The following PLXNC1 variants were observed in gnomAD, a reference collection of about 807,000 sequenced individuals.
PLXNC1 encodes plexin C1.
Under a neutral mutation model 178.2 loss-of-function variants are expected in PLXNC1, and 75 were observed. The ratio of observed to expected loss-of-function variants is 0.42; its 90% CI spans 0.35 to 0.51. The LOEUF (loss-of-function observed/expected upper bound fraction) is 0.51. Among genes scored for constraint, PLXNC1 ranks in the 20% least tolerant of loss-of-function variants. The probability of loss-of-function intolerance (pLI) is 0.02; values close to 1 mark genes in which losing one functional copy is unlikely to be tolerated. For missense variants in PLXNC1, 1,503 were observed against 1,984.4 expected (o/e 0.76, Z 4.61); for synonymous variants, 790 against 779.9 (o/e 1.01, Z -0.22).
At chr12:94,222,505 C>A (rs75316948) in intron 6 of PLXNC1, among the ~76,000 whole-genome samples, 3,257 of 152,280 alleles carry the variant, frequency 0.021, 79 homozygotes, top group Non-Finnish European at 0.025. Context: ...GCCATTCTAA[C>A]ACCCCTTTGG....
At chr12:94,160,482 G>A (rs1230657742) in intron 1 of PLXNC1, among the ~76,000 whole-genome samples, 1 of 152,184 alleles carries the variant, frequency 6.6e-6, no homozygotes, top group East Asian at 1.9e-4. Flanking sequence ...GACTGAGGAA[G>A]CGTGTTACCT....
chr12:94,177,103 G>GTGTATATATATA (rs1962084911), intron 2 of PLXNC1, among the ~76,000 whole-genome samples: 1 of 129,522 alleles, frequency 7.7e-6, no homozygotes, highest in Non-Finnish European at 1.6e-5. Context: ...ATATATATAT[G>GTGTATATATATA]TGTGTGTGTA....
chr12:94,164,690 CACACACACACACACACGT>C (rs1254438290), intron 1 of PLXNC1, among the ~76,000 whole-genome samples: 126 of 141,242 alleles, frequency 8.9e-4, no homozygotes, highest in African/African-American at 3.5e-3. Flanking sequence ...CACACACACA[CACACACACACACACACGT>C]ACACACACAA....
chr12:94,254,730 T>C, intron 15 of PLXNC1, 57 bp from the exon 16 acceptor site: 3 of 1,255,416 alleles, frequency 2.4e-6, no homozygotes, highest in Non-Finnish European at 2.2e-6. Flanking sequence ...GCTATTTGTT[T>C]TCATTTTTGG....
At chr12:94,303,707 TTTTTTA>T in intron 28 of PLXNC1, 43 bp from the exon 29 acceptor site, 1 of 1,155,318 alleles carries the variant, frequency 8.7e-7, no homozygotes, top group East Asian at 3.1e-5. Flanking sequence ...TTTTTTTTTT[TTTTTTA>T]CTCTTTTGGT....
At chr12:94,299,849 T>C (rs1477337358) in intron 27 of PLXNC1, among the ~76,000 whole-genome samples, 3 of 152,168 alleles carry the variant, frequency 2.0e-5, no homozygotes. Flanking sequence ...TGTGAGCCAC[T>C]GCCCCTGGCC....
At chr12:94,156,125 G>C (rs1961158470) in intron 1 of PLXNC1, among the ~76,000 whole-genome samples, 1 of 152,166 alleles carries the variant, frequency 6.6e-6, no homozygotes, top group Admixed American at 6.5e-5. Context: ...TGGTTTCATA[G>C]GATTATTGTC....
chr12:94,247,439 C>T lies in PLXNC1; in HGVS notation c.2389-464C>T, dbSNP rs77656429. 6.3e-3 allele frequency among the ~76,000 whole-genome samples: 958 copies of T among 152,216 alleles called. 21 individuals carry two copies. The highest frequency in any genetic ancestry group is 0.043 in the East Asian group (222 of 5,182). On this transcript the variant is annotated intron_variant, in intron 12 of 30. Coordinates refer to ENST00000258526, the MANE Select transcript of PLXNC1 (RefSeq NM_005761.3). ...CAAAGGGTGATTCAGCTGCAACAAG[C>T]GCTTCAGGAGCTGGCCCTTGCTGAG...
intron 1 of PLXNC1, among the ~76,000 whole-genome samples, chr12:94,153,870 T>A (rs932781230): frequency 6.6e-6 from 1 of 152,208 alleles, no homozygotes; most frequent in Admixed American, 6.5e-5. Flanking sequence ...GGAACATGTG[T>A]GGAGAAGTGA....
At position 94,300,890 on chromosome 12, in the gene PLXNC1, A is replaced by T. The variant is rs1245657034; in HGVS notation, c.4239-20A>T. ...CATGAATGGCCCTATTTGAAAAGAG[A>T]TTATTCTCTCTTTGAACAGCCTTCC... On this transcript the variant is annotated intron_variant, in intron 27 of 30. Transcript: ENST00000258526. The T allele has an allele frequency of 2.5e-6, 4 of 1,602,392 alleles. No individual in the cohort carries two copies. Among genetic ancestry groups the T allele is most frequent in the Admixed American group, 3.4e-5 (2 of 59,278 alleles).
At chr12:94,253,823 AC>A (rs904977690) in intron 15 of PLXNC1, among the ~76,000 whole-genome samples, 1 of 151,848 alleles carries the variant, frequency 6.6e-6, no homozygotes, top group Non-Finnish European at 1.5e-5. Flanking sequence ...CCAGGCATGC[AC>A]CATCGCACCC....
intron 2 of PLXNC1, among the ~76,000 whole-genome samples, chr12:94,177,570 G>A (rs1201579950): frequency 7.0e-6 from 1 of 142,082 alleles, no homozygotes; most frequent in Admixed American, 7.0e-5. Flanking sequence ...AGAGAGAGAG[G>A]TAAGGAAGGA....
Position 94,148,998 on chromosome 12 carries a change from G to T in PLXNC1, c.27G>T (p.Pro9=). 6.9e-7 allele frequency: 1 copy of T among 1,453,804 alleles called. No individual in the cohort carries two copies. Among genetic ancestry groups the T allele is most frequent in the South Asian group, 1.4e-5 (1 of 73,402 alleles). 90.1% of individuals were successfully genotyped at this position (1,453,804 alleles called of 1,614,324 possible). A position where few individuals can be genotyped will look rare whatever the true frequency, so the allele number is the denominator to read the frequency against. MEVSRRKA[P]PRPPRPAAPL... ...TGGAGGTCTCCCGGAGGAAGGCGCC[G>T]CCGCGCCCCCCGCGCCCCGCAGCGC... Residue 9 remains proline, a synonymous_variant, in exon 1 of 31, where the codon CCG becomes CCT. Transcript: ENST00000258526. The surrounding 1 kb of genome is among the most constrained non-coding windows in gnomAD (Gnocchi z 4.8).
intron 21 of PLXNC1, chr12:94,278,276 G>T: frequency 2.9e-6 from 1 of 349,728 alleles, no homozygotes; most frequent in South Asian, 2.1e-5. Context: ...TTACCAAGGT[G>T]CATTAGAATC....
chr12:94,244,041 C>G lies in PLXNC1; in HGVS notation c.2388+16C>G, dbSNP rs780751402. The stretch of plus-strand genomic sequence containing the variant: ...AAACATAAATGTAAGTCTCCAGCTG[C>G]TTTGTAATAATAGTTGTTTTCAAGG... On this transcript the variant is annotated intron_variant, in intron 12 of 30. Transcript: ENST00000258526. 7.1e-7 allele frequency: 1 copy of G among 1,406,504 alleles called. No individual in the cohort carries two copies. Among genetic ancestry groups the G allele is most frequent in the South Asian group, 1.2e-5 (1 of 85,150 alleles). 87.1% of individuals were successfully genotyped at this position (1,406,504 alleles called of 1,614,324 possible). A position where few individuals can be genotyped will look rare whatever the true frequency, so the allele number is the denominator to read the frequency against.
chr12:94,213,240 A>G lies in PLXNC1; in HGVS notation c.1554+3536A>G, dbSNP rs188411558. Among the ~76,000 whole-genome samples the G allele has an allele frequency of 2.6e-5, 4 of 152,204 alleles. No individual in the cohort carries two copies. In the South Asian group the frequency reaches 8.3e-4, roughly 31 times the overall value. On this transcript the variant is annotated intron_variant, in intron 5 of 30. Coordinates refer to ENST00000258526, the MANE Select transcript of PLXNC1 (RefSeq NM_005761.3). ...GAGGGATTGCCACACTGTCTTCCAC[A>G]ATGGTTGAACTAGTTTACACTCCCA...
intron 4 of PLXNC1, among the ~76,000 whole-genome samples, chr12:94,200,175 T>C (rs542988560): frequency 6.6e-6 from 1 of 152,378 alleles, no homozygotes; most frequent in African/African-American, 2.4e-5. Flanking sequence ...CCATCTCTAA[T>C]GGATGCTCTC....
intron 2 of PLXNC1, among the ~76,000 whole-genome samples, chr12:94,177,557 GAA>G (rs1245666455): frequency 6.6e-6 from 1 of 151,566 alleles, no homozygotes; most frequent in African/African-American, 2.4e-5. Flanking sequence ...GAAAGAAAAA[GAA>G]AGAGAGAGAG....
intron 1 of PLXNC1, among the ~76,000 whole-genome samples, chr12:94,167,030 A>G (rs1182674384): frequency 6.6e-6 from 1 of 152,110 alleles, no homozygotes; most frequent in Non-Finnish European, 1.5e-5. Flanking sequence ...TACCTATACT[A>G]CTGATCCCGG....
Sources: gnomAD v4.1 joint callset for allele counts (sites outside exome capture counted in the v4.1 genomes callset) on GRCh38, gnomAD v4.1.1 for gene constraint, Gnocchi (gnomAD v3.1) non-coding constraint, MANE v1.5 for transcripts, NCBI Gene and HGNC (gene_info 2026-07-23, HGNC 2026-07-21) for gene names.